Variants in DGKD observed in about 807,000 individuals in gnomAD.
DGKD encodes the protein diacylglycerol kinase delta, also known as DAG kinase delta.
In DGKD, 68 loss-of-function variants were observed where a neutral mutation model predicts 154.4. The ratio of observed to expected loss-of-function variants is 0.44; its 90% CI spans 0.36 to 0.54. DGKD has a LOEUF of 0.54. DGKD is among the 20% of genes least tolerant of loss of function. DGKD has a pLI of 0.00. For missense variants in DGKD, 1,343 were observed against 1,593.6 expected (o/e 0.84, Z 2.68); for synonymous variants, 693 against 638.0 (o/e 1.09, Z -1.30).
chr2:233,368,873 T>C (rs1344311331), intron 1 of DGKD, among the ~76,000 whole-genome samples: 1 of 152,224 alleles, frequency 6.6e-6, no homozygotes, highest in Non-Finnish European at 1.5e-5. Flanking sequence ...ATCTTCTGGA[T>C]AGAGTCCTGG....
chr2:233,422,432 C>T (rs149709042), intron 3 of DGKD, among the ~76,000 whole-genome samples: 150 of 152,336 alleles, frequency 9.8e-4, no homozygotes, highest in African/African-American at 3.5e-3. Flanking sequence ...GACACTCCTG[C>T]GTGTGCTTGG....
At chr2:233,388,740 C>CTTTTTTTTTTTTTTTTTTTTTTTTTT (rs57415272) in intron 2 of DGKD, 2 of 69,280 alleles carry the variant, frequency 2.9e-5, no homozygotes, top group Non-Finnish European at 5.2e-5. Flanking sequence ...TATTGAAGTT[C>CTTTTTTTTTTTTTTTTTTTTTTTTTT]TTTTTTTTTT....
intron 10 of DGKD, among the ~76,000 whole-genome samples, chr2:233,444,943 A>T (rs2063018515): frequency 6.6e-6 from 1 of 151,960 alleles, no homozygotes; most frequent in African/African-American, 2.4e-5. Context: ...GGCAGTGGGC[A>T]TTTTAAGAGG....
intron 16 of DGKD, 30 bp downstream of exon 16, chr2:233,450,161 C>G: frequency 6.4e-7 from 1 of 1,572,818 alleles, no homozygotes; most frequent in South Asian, 1.2e-5. Flanking sequence ...CCTCTGCGCA[C>G]CGTCGTGTGC....
intron 19 of DGKD, 136 bp from the exon 20 acceptor site, chr2:233,456,763 A>G (rs764320729): frequency 3.6e-5 from 24 of 669,136 alleles, no homozygotes; most frequent in Non-Finnish European, 5.7e-5. Flanking sequence ...TGTCCTTCAG[A>G]TGTTACTGCT....
rs1030920071 is a variant in DGKD at position 233,418,123 on chromosome 2, T to C, written c.349-16257T>C. 5.3e-5 allele frequency among the ~76,000 whole-genome samples: 8 copies of C among 152,268 alleles called. No individual in the cohort carries two copies. In the South Asian group the frequency reaches 1.7e-3, roughly 31 times the overall value. ...TAAAACTTATTACTTCATGAACATCTTTCTGTGTCCATGACTATGGGCCTG... is the reference window on the plus strand; with the variant it reads ...TAAAACTTATTACTTCATGAACATCCTTCTGTGTCCATGACTATGGGCCTG... On this transcript the variant is annotated intron_variant, in intron 3 of 29. Coordinates refer to ENST00000264057, the MANE Select transcript of DGKD (RefSeq NM_152879.3).
chr2:233,428,942 G>T (rs905955254), intron 3 of DGKD, among the ~76,000 whole-genome samples: 24 of 152,068 alleles, frequency 1.6e-4, no homozygotes, highest in African/African-American at 5.3e-4. Context: ...ACATTTATCT[G>T]TTGCTCAGTG....
chr2:233,390,339 T>C, intron 2 of DGKD, 64 bp from the exon 3 acceptor site: 1 of 1,300,246 alleles, frequency 7.7e-7, no homozygotes, highest in South Asian at 1.2e-5. Flanking sequence ...TGGGCAGCGC[T>C]GGCTAGTGCT....
Position 233,440,915 on chromosome 2 carries a change from T to G in DGKD, c.1086-972T>G, listed in dbSNP as rs2062865079. Among the ~76,000 whole-genome samples the G allele has an allele frequency of 6.6e-6, 1 of 152,068 alleles. No homozygotes were observed. Among genetic ancestry groups the G allele is most frequent in the South Asian group, 2.1e-4 (1 of 4,818 alleles). ...GCTGGGTTGGGTGTGGAGGAGAGGC[T>G]GCCAGGAGGGGCTGGGTCGGCTGCA... On this transcript the variant is annotated intron_variant, in intron 9 of 29. Transcript: ENST00000264057. This position sits in a 1 kb window ranked among gnomAD's most constrained non-coding sequence, Gnocchi z 4.9.
chr2:233,367,840 C>CTTTTTCTTTTCTTTT (rs1559474213), intron 1 of DGKD, among the ~76,000 whole-genome samples: 1 of 132,740 alleles, frequency 7.5e-6, no homozygotes. Context: ...TTTTCTTCCT[C>CTTTTTCTTTTCTTTT]TTTTTTTTTT....
chr2:233,423,669 T>TG (rs2062194016), intron 3 of DGKD, among the ~76,000 whole-genome samples: 1 of 151,698 alleles, frequency 6.6e-6, no homozygotes, highest in South Asian at 2.1e-4. Context: ...GGCCTGGGAG[T>TG]GGGGTGGGCA....
intron 1 of DGKD, among the ~76,000 whole-genome samples, chr2:233,362,657 G>GA (rs757428317): frequency 2.6e-5 from 4 of 151,594 alleles, no homozygotes; most frequent in African/African-American, 4.8e-5. Flanking sequence ...GTATTAAATA[G>GA]AAAAAAAAGA....
At chr2:233,460,734 C>CA (rs888677899) in intron 24 of DGKD, among the ~76,000 whole-genome samples, 3 of 152,000 alleles carry the variant, frequency 2.0e-5, no homozygotes, top group African/African-American at 4.8e-5. Flanking sequence ...ACTAAAAATA[C>CA]AAAAAAATTT....
intron 11 of DGKD, among the ~76,000 whole-genome samples, chr2:233,446,317 A>T (rs1357094247): frequency 6.6e-6 from 1 of 152,170 alleles, no homozygotes; most frequent in Non-Finnish European, 1.5e-5. Flanking sequence ...TGGAGTTCTG[A>T]GCACAGTTGT....
At chr2:233,409,840 G>A (rs1363669955) in intron 3 of DGKD, among the ~76,000 whole-genome samples, 2 of 132,432 alleles carry the variant, frequency 1.5e-5, no homozygotes, top group East Asian at 4.5e-4. Flanking sequence ...GACTGTGGGA[G>A]TGGTTATCAG....
intron 3 of DGKD, among the ~76,000 whole-genome samples, chr2:233,420,090 T>G (rs1356237682): frequency 6.6e-6 from 1 of 152,114 alleles, no homozygotes; most frequent in Non-Finnish European, 1.5e-5. Context: ...CGCGTGGCAG[T>G]CGGCAGGGGC....
In DGKD at chr2:233,457,340, G is replaced by T. The variant is rs186506095; in HGVS notation, c.2580+12G>T. On this transcript the variant is annotated intron_variant, in intron 21 of 29. Transcript: ENST00000264057. The surrounding 1 kb of genome is among the most constrained non-coding windows in gnomAD (Gnocchi z 5.5). ...CCAAGGAAGATGATGTATGTATGGG[G>T]TGTGAGCGGGTGGGCCTGAGCTCAG... The T allele has an allele frequency of 6.4e-6, 10 of 1,552,764 alleles. No individual in the cohort carries two copies. The East Asian group carries it at 2.0e-4, about 31-fold the overall frequency.
At chr2:233,383,472 C>G (rs1703006075) in intron 1 of DGKD, among the ~76,000 whole-genome samples, 1 of 152,120 alleles carries the variant, frequency 6.6e-6, no homozygotes. Context: ...CAGAAATTCT[C>G]AATTGCAATA....
At chr2:233,419,526 A>G (rs1031930230) in intron 3 of DGKD, 10 of 809,454 alleles carry the variant, frequency 1.2e-5, no homozygotes, top group Non-Finnish European at 1.5e-5. Flanking sequence ...CTTCCTTGTA[A>G]GATGCTCCAG....
Sources: allele counts gnomAD v4.1 joint callset (sites outside exome capture counted in the v4.1 genomes callset), GRCh38; gene constraint gnomAD v4.1.1; non-coding constraint Gnocchi (gnomAD v3.1); transcripts MANE v1.5; gene names NCBI Gene and HGNC (gene_info 2026-07-23, HGNC 2026-07-21).